MAF: variants seen among roughly 807,000 people sequenced by gnomAD.
MAF encodes MAF bZIP transcription factor, also known as transcription factor Maf.
MAF carries 10 observed loss-of-function variants against 22.0 expected under a neutral mutation model. That is an observed-to-expected ratio of 0.45 (90% CI 0.28 to 0.77). The LOEUF is 0.77. Ranked by LOEUF, MAF falls within the 30% of genes least tolerant of loss-of-function variation. The pLI, the probability that MAF is intolerant of heterozygous loss-of-function variation, is 0.12. For synonymous variants in MAF, 337 were observed against 255.8 expected (o/e 1.32, Z -3.03); for missense variants, 544 against 548.4 (o/e 0.99, Z 0.08).
chr16:79,380,444 T>A, the MAF span, among the ~76,000 whole-genome samples: 10 of 152,200 alleles, frequency 6.6e-5, no homozygotes, highest in African/African-American at 2.2e-4. Flanking sequence ...ATTTTTCCAA[T>A]ACAGTGTGAG....
chr16:79,560,365 A>G, the MAF span, among the ~76,000 whole-genome samples: 1 of 152,150 alleles, frequency 6.6e-6, no homozygotes, highest in Non-Finnish European at 1.5e-5. Flanking sequence ...ATTTCAAATT[A>G]AGTTGAACAA....
chr16:79,374,467 G>A, the MAF span, among the ~76,000 whole-genome samples: 1 of 152,182 alleles, frequency 6.6e-6, no homozygotes, highest in Non-Finnish European at 1.5e-5. Flanking sequence ...GGCAATTGCT[G>A]CTACAGCCTC....
At chr16:79,577,019 C>T in the MAF span, among the ~76,000 whole-genome samples, 5 of 152,252 alleles carry the variant, frequency 3.3e-5, no homozygotes, top group African/African-American at 9.6e-5. Context: ...ATACTTTACA[C>T]ATTACAGGGT....
At chr16:79,380,797 C>T in the MAF span, among the ~76,000 whole-genome samples, 9 of 152,202 alleles carry the variant, frequency 5.9e-5, no homozygotes, top group Non-Finnish European at 1.3e-4. Flanking sequence ...GCCACACACC[C>T]ACCGGCCATT....
the MAF span, among the ~76,000 whole-genome samples, chr16:79,408,629 T>C: frequency 6.6e-6 from 1 of 152,128 alleles, no homozygotes; most frequent in African/African-American, 2.4e-5. Flanking sequence ...TCTTCCTTTT[T>C]CTCATTCTTC....
At chr16:79,578,921 C>G in the MAF span, among the ~76,000 whole-genome samples, 1 of 152,194 alleles carries the variant, frequency 6.6e-6, no homozygotes, top group East Asian at 1.9e-4. Flanking sequence ...CAGAGTCCCC[C>G]TAGTAAAATT....
the MAF span, chr16:79,205,834 T>C: frequency 3.2e-4 from 48 of 152,316 alleles, no homozygotes; most frequent in African/African-American, 1.1e-3. Context: ...ATCAGTATTT[T>C]CTCTGCAAAC....
the MAF span, among the ~76,000 whole-genome samples, chr16:79,491,441 A>C: frequency 6.6e-6 from 1 of 152,188 alleles, no homozygotes; most frequent in East Asian, 1.9e-4. Flanking sequence ...GAACACAAGA[A>C]ACAGGCAGAG....
At chr16:79,454,303 G>A in the MAF span, among the ~76,000 whole-genome samples, 1 of 152,206 alleles carries the variant, frequency 6.6e-6, no homozygotes, top group South Asian at 2.1e-4. Context: ...TAAATGGTGG[G>A]GCATCAGGGT....
the MAF span, among the ~76,000 whole-genome samples, chr16:79,439,257 CTT>C: frequency 3.3e-3 from 437 of 130,776 alleles, 8 homozygotes; most frequent in African/African-American, 0.011. Context: ...TAGGTACTTA[CTT>C]TTTTTTTTTT....
the MAF span, among the ~76,000 whole-genome samples, chr16:79,460,256 T>C: frequency 2.0e-5 from 3 of 152,138 alleles, no homozygotes; most frequent in Non-Finnish European, 4.4e-5. Flanking sequence ...TTTTTCCGGA[T>C]TGGGCATTAT....
the MAF span, among the ~76,000 whole-genome samples, chr16:79,254,637 T>A: frequency 1.3e-5 from 2 of 152,216 alleles, no homozygotes; most frequent in African/African-American, 2.4e-5. Flanking sequence ...CTGCTACTAT[T>A]GACTTTCTGC....
chr16:79,479,617 T>C, the MAF span, among the ~76,000 whole-genome samples: 3 of 152,202 alleles, frequency 2.0e-5, no homozygotes, highest in Non-Finnish European at 4.4e-5. Flanking sequence ...CTTGCCTGTA[T>C]CTGAAGGGTA....
At chr16:79,359,188 G>A in the MAF span, among the ~76,000 whole-genome samples, 1 of 152,180 alleles carries the variant, frequency 6.6e-6, no homozygotes, top group Non-Finnish European at 1.5e-5. Context: ...GCTGGGGAAT[G>A]GAGAATCAGA....
chr16:79,393,560 G>C, the MAF span, among the ~76,000 whole-genome samples: 1 of 152,154 alleles, frequency 6.6e-6, no homozygotes, highest in Non-Finnish European at 1.5e-5. Context: ...TCAGTGCTGG[G>C]CCTCCTCACT....
At chr16:79,530,393 T>C in the MAF span, among the ~76,000 whole-genome samples, 9 of 152,282 alleles carry the variant, frequency 5.9e-5, no homozygotes, top group Middle Eastern at 3.4e-3. Flanking sequence ...AGCACCCTGA[T>C]AGACTGAAGG....
the MAF span, among the ~76,000 whole-genome samples, chr16:79,469,727 G>C: frequency 6.6e-6 from 1 of 152,116 alleles, no homozygotes; most frequent in Non-Finnish European, 1.5e-5. Context: ...CTCCTGAGTA[G>C]CTGGGATTAC....
the MAF span, among the ~76,000 whole-genome samples, chr16:79,515,238 G>A: frequency 2.0e-5 from 3 of 152,130 alleles, no homozygotes; most frequent in African/African-American, 7.2e-5. Context: ...CTTACTCCTA[G>A]TAGTCCCTGA....
At chr16:79,511,979 G>A in the MAF span, among the ~76,000 whole-genome samples, 1 of 152,142 alleles carries the variant, frequency 6.6e-6, no homozygotes, top group South Asian at 2.1e-4. Context: ...CAACATCTCA[G>A]GGGACAGAGT....
Sources: gnomAD v4.1 joint callset for allele counts (sites outside exome capture counted in the v4.1 genomes callset) on GRCh38, gnomAD v4.1.1 for gene constraint, MANE v1.5 for transcripts, NCBI Gene and HGNC (gene_info 2026-07-23, HGNC 2026-07-21) for gene names.